The following OTULIN variants were observed in gnomAD, a reference collection of about 807,000 sequenced individuals.
The protein encoded by OTULIN is OTU deubiquitinase with linear linkage specificity.
A neutral mutation model predicts 39.6 loss-of-function variants in OTULIN; 15 were observed. That is an observed-to-expected ratio of 0.38 (90% CI 0.25 to 0.58). The LOEUF (loss-of-function observed/expected upper bound fraction) is 0.58, where lower values mean the gene tolerates loss of function less well. Among genes scored for constraint, OTULIN ranks in the 20% least tolerant of loss-of-function variants. The probability of loss-of-function intolerance (pLI) is 0.66; values close to 1 mark genes in which losing one functional copy is unlikely to be tolerated. For missense variants in OTULIN, 319 were observed against 445.9 expected, an observed-to-expected ratio of 0.72 and a Z score of 2.56; for synonymous variants, 156 against 170.3, an observed-to-expected ratio of 0.92 and a Z score of 0.65.
intron 1 of OTULIN, among the ~76,000 whole-genome samples, chr5:14,670,991 T>C (rs1735966274): frequency 6.6e-6 from 1 of 152,192 alleles, no homozygotes. Context: ...ATACTCTGGT[T>C]CTCTTATTCT....
chr5:14,711,288 G>A, the OTULIN span: 19 of 1,613,936 alleles, frequency 1.2e-5, no homozygotes, highest in Admixed American at 1.7e-5. Context: ...CTCCGTGGCC[G>A]ACTCATTCTC....
At chr5:14,713,642 C>G in the OTULIN span, 67 of 1,614,170 alleles carry the variant, frequency 4.2e-5, no homozygotes, top group African/African-American at 7.7e-4. The surrounding 1 kb of genome is among the most constrained non-coding windows in gnomAD (Gnocchi z 4.4). Context: ...TCATCAGCCA[C>G]CCGGTGAGAT....
intron 3 of OTULIN, among the ~76,000 whole-genome samples, chr5:14,680,841 C>G (rs1453100770): frequency 6.6e-6 from 1 of 152,164 alleles, no homozygotes; most frequent in African/African-American, 2.4e-5. Context: ...GGTGGATCAT[C>G]TGAGGTCAGG....
At chr5:14,711,172 T>TG in the OTULIN span, 1 of 1,563,820 alleles carries the variant, frequency 6.4e-7, no homozygotes, top group East Asian at 2.2e-5. Context: ...TGACTGTCCC[T>TG]GCAGTGCCCA....
rs1053586654 is a variant in OTULIN at position 14,694,668 on chromosome 5, A to C, written c.*1620A>C. 1 of 152,648 alleles carries C rather than the reference A, an allele frequency of 6.6e-6. No homozygotes were observed. The highest frequency in any genetic ancestry group is 1.5e-5 in the Non-Finnish European group (1 of 68,040). 9.5% of individuals were successfully genotyped at this position (152,648 alleles called of 1,614,324 possible). A position where few individuals can be genotyped will look rare whatever the true frequency, so the allele number is the denominator to read the frequency against. On this transcript the variant is annotated 3_prime_UTR_variant, in exon 7 of 7. Transcript: ENST00000284274. The stretch of plus-strand genomic sequence containing the variant: ...TACTTTAGCTTTCTCCCATTACCTC[A>C]TCAGTAATATTCACCACATTTTGCT...
chr5:14,714,549 T>G, the OTULIN span, among the ~76,000 whole-genome samples: 1 of 152,148 alleles, frequency 6.6e-6, no homozygotes, highest in Non-Finnish European at 1.5e-5. Flanking sequence ...CAGGATATGC[T>G]GGTTTGGAAG....
chr5:14,674,854 C>T (rs949236928), intron 2 of OTULIN, among the ~76,000 whole-genome samples: 1 of 152,338 alleles, frequency 6.6e-6, no homozygotes, highest in African/African-American at 2.4e-5. Context: ...TTGTTGGACT[C>T]ATCCCTAAAG....
chr5:14,710,814 CTG>C, the OTULIN span: 3 of 299,786 alleles, frequency 1.0e-5, no homozygotes, highest in East Asian at 2.6e-4. Flanking sequence ...ACAGGAGAGT[CTG>C]TGGCCTGCTG....
chr5:14,671,247 G>A (rs1295073107), intron 1 of OTULIN, among the ~76,000 whole-genome samples: 1 of 152,182 alleles, frequency 6.6e-6, no homozygotes. Context: ...GAGAACAAAA[G>A]TGGAGCCAAA....
Position 14,673,735 on chromosome 5 carries a change from T to A in OTULIN, c.229+17T>A. The stretch of plus-strand genomic sequence containing the variant: ...GGGCATCAGGTATGTTTGGAATTGT[T>A]TTATTTATAGAGTTCTTATTGTTTA... On this transcript the variant is annotated intron_variant, in intron 2 of 6. Transcript: ENST00000284274. 4.4e-6 allele frequency: 7 copies of A among 1,607,532 alleles called. No individual in the cohort carries two copies. In the South Asian group the frequency reaches 7.7e-5, roughly 18 times the overall value.
chr5:14,664,992 G>C lies in OTULIN; in HGVS notation c.152+15G>C. The C allele has an allele frequency of 1.9e-6, 2 of 1,040,472 alleles. No homozygotes were observed. Among genetic ancestry groups the C allele is most frequent in the Non-Finnish European group, 2.3e-6 (2 of 865,232 alleles). 64.5% of individuals were successfully genotyped at this position (1,040,472 alleles called of 1,614,324 possible). ...CCGGCCGAGCAGTGAGTCCGCGGGG[G>C]CGCGGGGCGCGGGCCGTGGGCGGCG... On this transcript the variant is annotated intron_variant, in intron 1 of 6. Transcript: ENST00000284274.
intron 2 of OTULIN, among the ~76,000 whole-genome samples, chr5:14,677,352 T>G (rs1736130734): frequency 1.3e-5 from 2 of 152,232 alleles, no homozygotes; most frequent in South Asian, 4.1e-4. Flanking sequence ...AGTAAATATT[T>G]GTTGAATTTA....
chr5:14,702,664 C>T (rs1319066050), downstream of OTULIN, among the ~76,000 whole-genome samples: 1 of 152,096 alleles, frequency 6.6e-6, no homozygotes, highest in Non-Finnish European at 1.5e-5. Context: ...CTGATGGTGC[C>T]ATCAGGGGCG....
chr5:14,711,314 G>A, the OTULIN span: 1 of 1,611,468 alleles, frequency 6.2e-7, no homozygotes, highest in Non-Finnish European at 8.5e-7. Flanking sequence ...TCTTTTTCTA[G>A]ACCAAAGAAG....
chr5:14,700,618 C>T (rs1210487822), downstream of OTULIN, among the ~76,000 whole-genome samples: 2 of 150,004 alleles, frequency 1.3e-5, no homozygotes, highest in Non-Finnish European at 3.0e-5. Flanking sequence ...CTGCACCTCC[C>T]CCTTTGCCCA....
chr5:14,680,780 G>A (rs1049456961), intron 3 of OTULIN, among the ~76,000 whole-genome samples: 1 of 152,172 alleles, frequency 6.6e-6, no homozygotes, highest in Non-Finnish European at 1.5e-5. Context: ...AAAAGAAGGC[G>A]GGGCACGGTG....
the OTULIN span, chr5:14,709,550 A>G: frequency 6.6e-6 from 1 of 152,214 alleles, no homozygotes; most frequent in East Asian, 1.9e-4. Context: ...GAGGAACAAT[A>G]TGATCACACA....
At chr5:14,711,378 G>T in the OTULIN span, 1 of 1,373,268 alleles carries the variant, frequency 7.3e-7, no homozygotes, top group South Asian at 1.2e-5. Context: ...ACCACGAGCA[G>T]GGAGACAACA....
chr5:14,684,275 T>C lies in OTULIN; in HGVS notation c.468+2668T>C, dbSNP rs569907145. 1.2e-4 allele frequency among the ~76,000 whole-genome samples: 18 copies of C among 152,380 alleles called. No individual in the cohort carries two copies. The South Asian group carries it at 3.1e-3, about 26-fold the overall frequency. On this transcript the variant is annotated intron_variant, in intron 4 of 6. Transcript: ENST00000284274. ...TGTTAGCTGAAGAACGTCTTTGTTC[T>C]TTCCTTGCTGTCATCCAGCCAGAGG... is the stretch of plus-strand genomic sequence containing the variant.
Sources: allele counts gnomAD v4.1 joint callset (sites outside exome capture counted in the v4.1 genomes callset), GRCh38; gene constraint gnomAD v4.1.1; non-coding constraint Gnocchi (gnomAD v3.1); transcripts MANE v1.5; gene names NCBI Gene and HGNC (gene_info 2026-07-23, HGNC 2026-07-21).